The following CFAP299 variants were observed in gnomAD, a reference collection of about 807,000 sequenced individuals.
CFAP299 encodes cilia- and flagella-associated protein 299.
CFAP299 carries 21 observed loss-of-function variants against 27.0 expected under a neutral mutation model. That is an observed-to-expected ratio of 0.78 (90% CI 0.55 to 1.12). The LOEUF (loss-of-function observed/expected upper bound fraction) is 1.12, where lower values mean the gene tolerates loss of function less well. Among genes scored for constraint, CFAP299 ranks in the 50% most tolerant of loss-of-function variants. The pLI is 0.00. For missense variants in CFAP299, 310 were observed against 276.6 expected (o/e 1.12, Z -0.86); for synonymous variants, 104 against 98.1 (o/e 1.06, Z -0.36).
At chr4:80,707,727 A>G (rs894632604) in intron 3 of CFAP299, among the ~76,000 whole-genome samples, 8 of 152,078 alleles carry the variant, frequency 5.3e-5, no homozygotes, top group Admixed American at 4.6e-4. Flanking sequence ...TCTCAGGTAT[A>G]TAAAATCAAT....
chr4:80,517,156 G>A (rs776759365), intron 2 of CFAP299, among the ~76,000 whole-genome samples: 6 of 152,118 alleles, frequency 3.9e-5, no homozygotes, highest in Admixed American at 1.3e-4. Context: ...AGTTTGTTGA[G>A]GAGTAAATAG....
At chr4:80,333,445 G>T (rs1397068024), upstream of CFAP299, among the ~76,000 whole-genome samples, 1 of 152,140 alleles carries the variant, frequency 6.6e-6, no homozygotes, top group East Asian at 1.9e-4. Context: ...TTAATAGAAC[G>T]TCTTAATAGA....
At chr4:80,671,760 G>A (rs181852606) in intron 3 of CFAP299, among the ~76,000 whole-genome samples, 14 of 152,270 alleles carry the variant, frequency 9.2e-5, no homozygotes, top group Admixed American at 9.2e-4. Context: ...TGAAGCCACT[G>A]TGAATGGGAG....
chr4:80,386,046 G>A (rs1724959294), intron 2 of CFAP299: 3 of 429,982 alleles, frequency 7.0e-6, no homozygotes, highest in Admixed American at 7.6e-5. Flanking sequence ...GTTTATGAAT[G>A]ACATTCAGAA....
chr4:80,648,256 A>G (rs1320853612), intron 3 of CFAP299, among the ~76,000 whole-genome samples: 2 of 152,200 alleles, frequency 1.3e-5, no homozygotes, highest in African/African-American at 4.8e-5. Context: ...AACTGATACT[A>G]GAATTTATAA....
chr4:80,775,340 G>T (rs1560745301), intron 3 of CFAP299, among the ~76,000 whole-genome samples: 1 of 151,850 alleles, frequency 6.6e-6, no homozygotes. Context: ...TTTTTCTTAT[G>T]CTTCTCGTAT....
At chr4:80,786,880 T>C (rs1021379386) in intron 3 of CFAP299, among the ~76,000 whole-genome samples, 8 of 152,072 alleles carry the variant, frequency 5.3e-5, no homozygotes, top group African/African-American at 1.9e-4. Context: ...ACTCAGATTC[T>C]CCAGTAATTA....
At chr4:80,710,461 C>A (rs1052037041) in intron 3 of CFAP299, among the ~76,000 whole-genome samples, 1 of 144,242 alleles carries the variant, frequency 6.9e-6, no homozygotes, top group Middle Eastern at 3.5e-3. Flanking sequence ...TCTCTCATAA[C>A]GTGGGCTTTC....
At chr4:80,398,058 G>A (rs1156795692) in intron 2 of CFAP299, among the ~76,000 whole-genome samples, 1 of 152,120 alleles carries the variant, frequency 6.6e-6, no homozygotes, top group African/African-American at 2.4e-5. Context: ...CAAACAGAGA[G>A]CCAAATCATT....
chr4:80,338,660 T>C (rs1003907334), intron 1 of CFAP299, among the ~76,000 whole-genome samples: 18 of 152,350 alleles, frequency 1.2e-4, no homozygotes, highest in African/African-American at 4.3e-4. Context: ...TAGTCGATAA[T>C]CCTTCACCAA....
At chr4:80,566,260 G>A (rs1442107217) in intron 2 of CFAP299, among the ~76,000 whole-genome samples, 1 of 152,050 alleles carries the variant, frequency 6.6e-6, no homozygotes, top group Non-Finnish European at 1.5e-5. Flanking sequence ...AGGGTATCAT[G>A]CAATAAGCCT....
intron 2 of CFAP299, among the ~76,000 whole-genome samples, chr4:80,412,746 G>T (rs62297699): frequency 6.6e-6 from 1 of 152,184 alleles, no homozygotes; most frequent in African/African-American, 2.4e-5. Flanking sequence ...TTAATATCAA[G>T]AAATGATGCC....
intron 3 of CFAP299, among the ~76,000 whole-genome samples, chr4:80,859,923 C>T (rs1221726544): frequency 2.0e-5 from 3 of 152,034 alleles, no homozygotes; most frequent in Non-Finnish European, 4.4e-5. Context: ...ATCTTTGTGA[C>T]ATTCTCTTTA....
At chr4:80,341,855 T>C (rs936298815) in intron 1 of CFAP299, among the ~76,000 whole-genome samples, 1 of 152,104 alleles carries the variant, frequency 6.6e-6, no homozygotes, top group Non-Finnish European at 1.5e-5. Flanking sequence ...GCTTCACAAG[T>C]TGGGTAATAA....
the CFAP299 span, among the ~76,000 whole-genome samples, chr4:80,328,585 A>G: frequency 6.6e-6 from 1 of 152,184 alleles, no homozygotes; most frequent in Admixed American, 6.5e-5. Context: ...ATAGGAAAAA[A>G]GGTGTAAAAT....
chr4:80,833,901 C>T (rs1163893949), intron 3 of CFAP299, among the ~76,000 whole-genome samples: 3 of 151,970 alleles, frequency 2.0e-5, no homozygotes, highest in Non-Finnish European at 2.9e-5. Flanking sequence ...AATTTTTGGC[C>T]CAGAGTAAAG....
intron 3 of CFAP299, among the ~76,000 whole-genome samples, chr4:80,829,399 TG>T (rs1730174459): frequency 6.6e-6 from 1 of 152,030 alleles, no homozygotes; most frequent in Non-Finnish European, 1.5e-5. Context: ...CCCATTAGGA[TG>T]GATACTATCA....
chr4:80,699,440 A>G (rs939668983), intron 3 of CFAP299, among the ~76,000 whole-genome samples: 4 of 152,124 alleles, frequency 2.6e-5, no homozygotes, highest in South Asian at 2.1e-4. Context: ...CACAATTACT[A>G]CTGCACCAGG....
At chr4:80,912,612 A>T (rs192125607) in intron 4 of CFAP299, among the ~76,000 whole-genome samples, 2 of 152,276 alleles carry the variant, frequency 1.3e-5, no homozygotes, top group Non-Finnish European at 2.9e-5. Context: ...GGGAGAGGTG[A>T]CACACTGGCC....
Sources: allele counts gnomAD v4.1 joint callset (sites outside exome capture counted in the v4.1 genomes callset), GRCh38; gene constraint gnomAD v4.1.1; transcripts MANE v1.5; gene names NCBI Gene and HGNC (gene_info 2026-07-23, HGNC 2026-07-21).